The following HAP1 variants were observed in gnomAD, a reference collection of about 807,000 sequenced individuals.
The protein encoded by HAP1 is huntingtin associated protein 1, also known as huntingtin-associated protein 1.
Under a neutral mutation model 60.3 loss-of-function variants are expected in HAP1, and 59 were observed. The observed-to-expected ratio is 0.98, with a 90% CI of 0.79 to 1.22. HAP1 has a LOEUF of 1.22. Among genes scored for constraint, HAP1 ranks in the 50% most tolerant of loss-of-function variants. The probability of loss-of-function intolerance (pLI) is 0.00; values close to 1 mark genes in which losing one functional copy is unlikely to be tolerated. For synonymous variants in HAP1, 346 were observed against 330.6 expected (o/e 1.05, Z -0.50); for missense variants, 825 against 785.3 (o/e 1.05, Z -0.60).
rs1911453479 is a variant in HAP1 at position 41,724,624 on chromosome 17, G to T, written c.*77C>A. ...GGTGTCTATGCAAATGATATGCAAA[G>T]TCCATGCAAATAAGCACAGCAGGTA... is the stretch of plus-strand genomic sequence containing the variant. On this transcript the variant is annotated 3_prime_UTR_variant, in exon 11 of 11. Transcript: ENST00000347901. The T allele has an allele frequency of 1.9e-6, 2 of 1,051,380 alleles. No individual in the cohort carries two copies. Among genetic ancestry groups the T allele is most frequent in the Non-Finnish European group, 1.4e-6 (1 of 704,476 alleles). The allele number at this position is 1,051,380 out of a possible 1,614,324, so 65.1% of individuals were successfully genotyped here. A position where few individuals can be genotyped will look rare whatever the true frequency, so the allele number is the denominator to read the frequency against.
In HAP1 at chr17:41,732,779, A is replaced by AGGTACGGT. The variant is rs1555591469; in HGVS notation, c.488_489insACCGTACC (p.Pro165TyrfsTer15). On this transcript the variant is annotated frameshift_variant, in exon 2 of 11. Coordinates refer to ENST00000347901, the MANE Select transcript of HAP1 (RefSeq NM_177977.3). LOFTEE classifies it high-confidence loss of function. The stretch of plus-strand genomic sequence containing the variant: ...CCTGGGTGATCTTTTTGACTGGCGG[A>AGGTACGGT]GGTAGGTTAGGACACAGTGCTGCAG... The AGGTACGGT allele has an allele frequency of 1.9e-6, 3 of 1,611,510 alleles. No homozygotes were observed. The highest frequency in any genetic ancestry group is 4.5e-5 in the East Asian group (2 of 44,852).
intron 2 of HAP1, 133 bp downstream of exon 2, chr17:41,732,586 G>C (rs782352214): frequency 5.8e-5 from 56 of 967,506 alleles, no homozygotes; most frequent in Non-Finnish European, 8.8e-5. Flanking sequence ...ATCCCACATC[G>C]ACCTGTCTTC....
chr17:41,720,046 C>T (rs868925530), downstream of HAP1, among the ~76,000 whole-genome samples: 7 of 151,952 alleles, frequency 4.6e-5, no homozygotes, highest in African/African-American at 9.6e-5. Flanking sequence ...CCCACCACCA[C>T]GCCTGGCTAA....
chr17:41,731,593 T>C lies in HAP1; in HGVS notation c.1003-34A>G. On this transcript the variant is annotated intron_variant, in intron 5 of 10. Transcript: ENST00000347901. ...AGACAAAGAGGAAGGGACAGGGAAG[T>C]CAACACCCCCTGCTAGCAGGGACGC... 3 of 1,602,388 alleles carry C rather than the reference T, an allele frequency of 1.9e-6. 1 individual carries two copies. In the South Asian group the frequency reaches 3.3e-5, roughly 18 times the overall value.
chr17:41,731,437 GTTCTT>G, intron 6 of HAP1, 51 bp downstream of exon 6: 1 of 1,215,554 alleles, frequency 8.2e-7, no homozygotes, highest in Non-Finnish European at 1.2e-6. Context: ...CACATCTTGA[GTTCTT>G]TTCTCTGCTC....
rs1555592091 is a variant in HAP1, at chr17:41,734,429, C to A, written c.206G>T (p.Arg69Leu). 1.9e-6 allele frequency: 3 copies of A among 1,608,894 alleles called. No homozygotes were observed. Among genetic ancestry groups the A allele is most frequent in the Non-Finnish European group, 2.5e-6 (3 of 1,176,890 alleles). ...QFLSEARTGA[R>L]PASEAGAKAG... The stretch of plus-strand genomic sequence containing the variant: ...CTTGGCTCCAGCCTCCGAGGCCGGG[C>A]GAGCTCCGGTGCGGGCTTCCGAGAG... The change falls in exon 1 of 11, where the codon CGC becomes CTC. Residue 69 changes from arginine (R) to leucine (L), a missense_variant. By Grantham distance (102) the Arg-to-Leu change is moderately radical (BLOSUM62 -2). Transcript: ENST00000347901.
At chr17:41,731,850 A>T (rs3895104) in intron 4 of HAP1, 87 bp downstream of exon 4, 10 of 869,300 alleles carry the variant, frequency 1.2e-5, no homozygotes, top group Middle Eastern at 3.2e-4. Context: ...CAACCCTGCC[A>T]GCAAGCACAT....
chr17:41,720,485 G>A (rs897459771), downstream of HAP1, among the ~76,000 whole-genome samples: 14 of 152,214 alleles, frequency 9.2e-5, no homozygotes, highest in Middle Eastern at 3.4e-3. Context: ...ATGAGCCACC[G>A]TGCCCAGCCC....
At position 41,722,668 on chromosome 17, in the gene HAP1, C is replaced by T. The variant is rs995255344; in HGVS notation, c.*2033G>A. ...GAGGGTATAGATCCTTTATTTCCTG[C>T]ACCACACGCACACAGGCTGACAAGC... On this transcript the variant is annotated 3_prime_UTR_variant, in exon 11 of 11. Transcript: ENST00000347901. 1.9e-4 allele frequency: 29 copies of T among 152,298 alleles called. No individual in the cohort carries two copies. Among genetic ancestry groups the T allele is most frequent in the Non-Finnish European group, 3.7e-4 (25 of 68,112 alleles). 9.4% of individuals were successfully genotyped at this position (152,298 alleles called of 1,614,324 possible).
At chr17:41,727,994 G>A (rs4796602) in intron 7 of HAP1, among the ~76,000 whole-genome samples, 158 bp from the exon 8 acceptor site, 129,290 of 152,114 alleles carry the variant, frequency 0.85, 55,203 homozygotes, top group African/African-American at 0.94. Context: ...GGGGAGTCAC[G>A]CAGCCTGGTT....
Position 41,734,303 on chromosome 17 carries a change from C to T in HAP1, c.332G>A (p.Gly111Glu). 2 of 1,609,150 alleles carry T rather than the reference C, an allele frequency of 1.2e-6. No homozygotes were observed. The highest frequency in any genetic ancestry group is 1.7e-6 in the Non-Finnish European group (2 of 1,177,602). The change falls in exon 1 of 11, where the codon GGG (glycine) becomes GAG (glutamate). Residue 111 changes from glycine to glutamate, a missense_variant. Coordinates refer to ENST00000347901, the MANE Select transcript of HAP1 (RefSeq NM_177977.3). ...DAPWTRFVFQ[G>E]PFGSRATGRG... ...GCCAGTGGCCCGGGAACCAAACGGCCCTTGGAATACGAAGCGGGTCCACGG... is the reference window on the plus strand; with the variant it reads ...GCCAGTGGCCCGGGAACCAAACGGCTCTTGGAATACGAAGCGGGTCCACGG...
rs1597740072 is a variant in HAP1 at position 41,727,744 on chromosome 17, G to A, written c.1275+18C>T. 6.3e-7 allele frequency: 1 copy of A among 1,577,300 alleles called. No homozygotes were observed. Among genetic ancestry groups the A allele is most frequent in the Non-Finnish European group, 8.7e-7 (1 of 1,149,130 alleles). ...GCGGCTCTCCAGGGTGGGGGCAGAA[G>A]CCGGCAGCGAGACTCACCTCTTCCT... On this transcript the variant is annotated intron_variant, in intron 8 of 10. Coordinates refer to ENST00000347901, the MANE Select transcript of HAP1 (RefSeq NM_177977.3).
At chr17:41,733,376 T>TTC (rs1488293614) in intron 1 of HAP1, among the ~76,000 whole-genome samples, 1 of 134,636 alleles carries the variant, frequency 7.4e-6, no homozygotes, top group African/African-American at 3.0e-5. Flanking sequence ...TTTTTTTTTT[T>TTC]ACCCCTGGAG....
At chr17:41,720,049 C>T (rs2143159142), downstream of HAP1, among the ~76,000 whole-genome samples, 1 of 151,888 alleles carries the variant, frequency 6.6e-6, no homozygotes, top group East Asian at 1.9e-4. Context: ...ACCACCACGC[C>T]TGGCTAATTT....
chr17:41,718,177 C>A, downstream of HAP1: 2 of 301,424 alleles, frequency 6.6e-6, no homozygotes, highest in South Asian at 5.3e-5. Context: ...CCACCCTGAA[C>A]GCGCCCGATC....
downstream of HAP1, among the ~76,000 whole-genome samples, chr17:41,719,005 G>A (rs1364781685): frequency 2.0e-5 from 3 of 152,110 alleles, no homozygotes; most frequent in African/African-American, 7.2e-5. Context: ...TTGAGACAGA[G>A]TCTTGCTCTG....
At chr17:41,718,124 G>C, downstream of HAP1, 1 of 410,600 alleles carries the variant, frequency 2.4e-6, no homozygotes, top group East Asian at 7.4e-5. Flanking sequence ...GAGTAACTCA[G>C]AGAGGTAGCT....
chr17:41,719,066 C>A (rs1449675602), downstream of HAP1, among the ~76,000 whole-genome samples: 1 of 152,272 alleles, frequency 6.6e-6, no homozygotes, highest in Middle Eastern at 3.4e-3. Context: ...GCAACCTCCA[C>A]CTCCCAGGTT....
Position 41,724,913 on chromosome 17 carries a change from C to T in HAP1, c.1648G>A (p.Ala550Thr). The part of the protein sequence containing the change: ...WEEVELELDE[A>T]TRMNVVTSAL... ...GATGTCACCACGTTCATCCGCGTTG[C>T]CTCATCCAGCTCCAGTTCCACCTCC... is the stretch of plus-strand genomic sequence containing the variant. The change falls in exon 11 of 11, where the codon GCA becomes ACA. Residue 550 changes from alanine (A) to threonine (T), a missense_variant. Coordinates refer to ENST00000347901, the MANE Select transcript of HAP1 (RefSeq NM_177977.3). 2 of 1,613,574 alleles carry T rather than the reference C, an allele frequency of 1.2e-6. No individual in the cohort carries two copies. Among genetic ancestry groups the T allele is most frequent in the Middle Eastern group, 3.3e-4 (2 of 6,062 alleles).
Sources: allele counts gnomAD v4.1 joint callset (sites outside exome capture counted in the v4.1 genomes callset), GRCh38; gene constraint gnomAD v4.1.1; transcripts MANE v1.5; gene names NCBI Gene and HGNC (gene_info 2026-07-23, HGNC 2026-07-21).